The following INAVA variants were observed in gnomAD, a reference collection of about 807,000 sequenced individuals.
INAVA encodes innate immunity activator protein.
In INAVA, 32 loss-of-function variants were observed where a neutral mutation model predicts 55.3. The observed-to-expected ratio is 0.58, with a 90% CI of 0.44 to 0.78. INAVA has a LOEUF of 0.78. Ranked by LOEUF, INAVA falls within the 30% of genes least tolerant of loss-of-function variation. The probability of loss-of-function intolerance (pLI) is 0.00; values close to 1 mark genes in which losing one functional copy is unlikely to be tolerated. For missense variants in INAVA, 756 were observed against 786.4 expected (o/e 0.96, Z 0.46); for synonymous variants, 294 against 329.4 (o/e 0.89, Z 1.16).
intron 6 of INAVA, 123 bp downstream of exon 6, chr1:200,908,010 T>C: frequency 2.9e-6 from 2 of 698,754 alleles, no homozygotes; most frequent in East Asian, 2.6e-5. Context: ...AGGCTTAGGG[T>C]TTCCGCTTGG....
chr1:200,896,853 C>T (rs953108950), intron 1 of INAVA, among the ~76,000 whole-genome samples: 10 of 152,228 alleles, frequency 6.6e-5, no homozygotes, highest in African/African-American at 2.4e-4. Flanking sequence ...GCTCACCTCC[C>T]CCACCCTGCG....
At position 200,898,362 on chromosome 1, in the gene INAVA, C is replaced by A. The variant is rs1464149853; in HGVS notation, c.-39C>A. The A allele has an allele frequency of 6.2e-7, 1 of 1,614,032 alleles. No homozygotes were observed. Among genetic ancestry groups the A allele is most frequent in the Non-Finnish European group, 8.5e-7 (1 of 1,180,034 alleles). On this transcript the variant is annotated 5_prime_UTR_variant, in exon 2 of 10. Transcript: ENST00000413687. The stretch of plus-strand genomic sequence containing the variant: ...TGGCCCAGGCTGGTCACGGTGTCCC[C>A]CCTCCCTGCTCTGTGCCCTCTCCTT...
upstream of INAVA, chr1:200,891,534 A>G: frequency 6.2e-7 from 1 of 1,605,396 alleles, no homozygotes; most frequent in South Asian, 1.1e-5. Context: ...GATCTTTAAC[A>G]TTTGGGATGC....
Position 200,911,547 on chromosome 1 carries a change from T to C in INAVA, c.1054T>C (p.Cys352Arg), listed in dbSNP as rs757450202. Reference protein sequence around the residue: ...THYTVTVPDSCFPATKPPLPH... With the variant: ...THYTVTVPDSRFPATKPPLPH... ...CTACACGGTGACAGTGCCAGATTCC[T>C]GCTTTCCCGCGACCAAGCCCCCGCT... Residue 352 changes from cysteine to arginine, a missense_variant, in exon 9 of 10, where the codon TGC becomes CGC. By Grantham distance (180) the Cys-to-Arg change is radical. Around this residue, in one of 2 missense-constraint regions of INAVA, gnomAD observed 639 missense variants for 624.3 expected, o/e 1.02. Transcript: ENST00000413687. 6.2e-7 allele frequency: 1 copy of C among 1,613,666 alleles called. No individual in the cohort carries two copies. The highest frequency in any genetic ancestry group is 1.1e-5 in the South Asian group (1 of 91,036).
At chr1:200,891,688 G>T (rs1381590118), upstream of INAVA, 4 of 1,482,970 alleles carry the variant, frequency 2.7e-6, no homozygotes, top group Middle Eastern at 2.3e-4. Flanking sequence ...CGGCGCCAGA[G>T]CTCCATGGGA....
At chr1:200,900,890 C>T (rs1445651282) in intron 4 of INAVA, 47 bp from the exon 5 acceptor site, 1 of 1,448,952 alleles carries the variant, frequency 6.9e-7, no homozygotes, top group East Asian at 2.5e-5. Context: ...CTCTGGGCCC[C>T]CAATCTCCCT....
rs1476495401 is a variant in INAVA, at chr1:200,908,729, G to C, written c.575-1G>C. 1 of 1,562,778 alleles carries C rather than the reference G, an allele frequency of 6.4e-7. No homozygotes were observed. ...TTACCAGGTTTCTTTTACTCCTGCA[G>C]AGGAATCCCAAGTGCCAAAACCTCC... On this transcript the variant is annotated splice_acceptor_variant, in intron 6 of 9. Transcript: ENST00000413687. LOFTEE classifies it high-confidence loss of function.
chr1:200,901,895 C>G (rs187651791), intron 5 of INAVA, among the ~76,000 whole-genome samples: 1 of 152,302 alleles, frequency 6.6e-6, no homozygotes, highest in Admixed American at 6.5e-5. Flanking sequence ...ATCAGTGTGT[C>G]CACCACAGGT....
In INAVA at chr1:200,915,683, T is replaced by C. The variant is rs1271551568; in HGVS notation, c.*2054T>C. 1 of 152,102 alleles carries C rather than the reference T, an allele frequency of 6.6e-6. No individual in the cohort carries two copies. The highest frequency in any genetic ancestry group is 1.5e-5 in the Non-Finnish European group (1 of 68,020). The allele number at this position is 152,102 out of a possible 1,614,324, so 9.4% of individuals were successfully genotyped here. A position where few individuals can be genotyped will look rare whatever the true frequency, so the allele number is the denominator to read the frequency against. On this transcript the variant is annotated 3_prime_UTR_variant, in exon 10 of 10. Coordinates refer to ENST00000413687, the MANE Select transcript of INAVA (RefSeq NM_001142569.3). Reference sequence around the variant, plus strand: ...GTCCTCAGCTACAGAGCTGGAATTGTGTGGGGTTTAGTGCTAAATACTTCA... The same window carrying C: ...GTCCTCAGCTACAGAGCTGGAATTGCGTGGGGTTTAGTGCTAAATACTTCA...
intron 1 of INAVA, among the ~76,000 whole-genome samples, chr1:200,896,414 A>C (rs2102300094): frequency 6.6e-6 from 1 of 152,082 alleles, no homozygotes; most frequent in South Asian, 2.1e-4. Context: ...TATCTCTACG[A>C]GGGATAGAGT....
chr1:200,891,926 C>T (rs1378656532), upstream of INAVA, among the ~76,000 whole-genome samples: 1 of 152,030 alleles, frequency 6.6e-6, no homozygotes, highest in South Asian at 2.1e-4. Context: ...GGCCAGGTTC[C>T]GGGAAGCCAG....
intron 6 of INAVA, 101 bp from the exon 7 acceptor site, chr1:200,908,629 T>A: frequency 3.0e-6 from 3 of 995,672 alleles, no homozygotes; most frequent in Non-Finnish European, 4.5e-6. Context: ...CAAGCCAGCA[T>A]GGGAGGGAGA....
intron 1 of INAVA, among the ~76,000 whole-genome samples, chr1:200,895,458 A>T (rs924205154): frequency 6.6e-6 from 1 of 151,162 alleles, no homozygotes; most frequent in African/African-American, 2.4e-5. Context: ...TTTTCTGGGG[A>T]CATTGTTCAG....
intron 9 of INAVA, among the ~76,000 whole-genome samples, chr1:200,913,248 A>C (rs1653821594): frequency 6.6e-6 from 1 of 152,134 alleles, no homozygotes; most frequent in Non-Finnish European, 1.5e-5. Context: ...AGCCCATCCC[A>C]ACGTGCCAGA....
chr1:200,907,000 A>AT (rs1188526388), intron 5 of INAVA, among the ~76,000 whole-genome samples: 3 of 151,870 alleles, frequency 2.0e-5, no homozygotes, highest in Middle Eastern at 3.2e-3. Flanking sequence ...TAATTTTCGT[A>AT]TTTTTTGTAG....
rs1359263002 is a variant in INAVA at position 200,913,846 on chromosome 1, T to C, written c.*217T>C. 2 of 543,742 alleles carry C rather than the reference T, an allele frequency of 3.7e-6. No homozygotes were observed. Among genetic ancestry groups the C allele is most frequent in the Non-Finnish European group, 6.5e-6 (2 of 305,946 alleles). 33.7% of individuals were successfully genotyped at this position (543,742 alleles called of 1,614,324 possible). ...CCTCAATACCCCTGTGATATGATTA[T>C]GTTTTATCCCCCAGAGTTTGGCCTA... On this transcript the variant is annotated 3_prime_UTR_variant, in exon 10 of 10. Transcript: ENST00000413687.
intron 5 of INAVA, among the ~76,000 whole-genome samples, chr1:200,904,461 T>G (rs1159817564): frequency 1.3e-5 from 2 of 152,228 alleles, no homozygotes; most frequent in African/African-American, 4.8e-5. Context: ...TCGCTGCATG[T>G]GGCTATGGAG....
At chr1:200,903,191 ATT>A (rs1288377570) in intron 5 of INAVA, 1 of 152,262 alleles carries the variant, frequency 6.6e-6, no homozygotes, top group Non-Finnish European at 1.5e-5. Context: ...GGTGTTTTGA[ATT>A]AAAAAGGGAA....
intron 3 of INAVA, 45 bp from the exon 4 acceptor site, chr1:200,900,059 C>G: frequency 1.3e-6 from 2 of 1,533,096 alleles, no homozygotes; most frequent in Non-Finnish European, 1.8e-6. Context: ...TGAGCCAAGT[C>G]TGGGCAGGTG....
Sources: gnomAD v4.1 joint callset for allele counts (sites outside exome capture counted in the v4.1 genomes callset) on GRCh38, gnomAD v4.1.1 for gene constraint, gnomAD v4.1.1 regional missense constraint, MANE v1.5 for transcripts, NCBI Gene and HGNC (gene_info 2026-07-23, HGNC 2026-07-21) for gene names.